SGCZ: variants seen among roughly 807,000 people sequenced by gnomAD.
The protein encoded by SGCZ is zeta-sarcoglycan.
SGCZ carries 40 observed loss-of-function variants against 41.3 expected under a neutral mutation model. The ratio of observed to expected loss-of-function variants is 0.97; its 90% CI spans 0.75 to 1.26. SGCZ has a LOEUF of 1.26. SGCZ is among the 50% of genes most tolerant of loss of function. The probability of loss-of-function intolerance (pLI) is 0.00; values close to 1 mark genes in which losing one functional copy is unlikely to be tolerated. For missense variants in SGCZ, 552 were observed against 369.8 expected, an observed-to-expected ratio of 1.49 and a Z score of -4.04; for synonymous variants, 206 against 137.5, an observed-to-expected ratio of 1.50 and a Z score of -3.49.
chr8:14,877,127 C>G (rs563501196), intron 1 of SGCZ, among the ~76,000 whole-genome samples: 1 of 152,214 alleles, frequency 6.6e-6, no homozygotes, highest in Admixed American at 6.5e-5. Flanking sequence ...GTGCGCACTA[C>G]CATGCCCAGC....
intron 1 of SGCZ, among the ~76,000 whole-genome samples, chr8:14,987,784 C>T (rs539768029): frequency 1.4e-4 from 21 of 152,042 alleles, no homozygotes; most frequent in South Asian, 4.1e-4. Context: ...TTAACCCAAA[C>T]GGAGGAAAAG....
At chr8:14,494,445 C>T (rs185269232) in intron 2 of SGCZ, among the ~76,000 whole-genome samples, 15 of 152,118 alleles carry the variant, frequency 9.9e-5, no homozygotes, top group Admixed American at 6.6e-4. Flanking sequence ...TATTTCACTC[C>T]CTAATTTTAA....
At chr8:15,129,674 G>A (rs1563141120) in intron 1 of SGCZ, among the ~76,000 whole-genome samples, 2 of 136,674 alleles carry the variant, frequency 1.5e-5, no homozygotes, top group Non-Finnish European at 3.1e-5. Context: ...CAAGCCACAA[G>A]GTCCCGTTCG....
intron 5 of SGCZ, among the ~76,000 whole-genome samples, chr8:14,137,296 A>G (rs1803229261): frequency 1.3e-5 from 2 of 152,254 alleles, no homozygotes; most frequent in Admixed American, 6.5e-5. Flanking sequence ...AGCTCCTCGC[A>G]AGCAACGGAA....
chr8:14,125,828 C>T (rs941503863), intron 5 of SGCZ, among the ~76,000 whole-genome samples: 4 of 152,166 alleles, frequency 2.6e-5, no homozygotes, highest in South Asian at 2.1e-4. Context: ...CACACCTCTA[C>T]ATCCATCTGA....
At chr8:14,253,285 A>G (rs1466475666) in intron 3 of SGCZ, among the ~76,000 whole-genome samples, 1 of 149,112 alleles carries the variant, frequency 6.7e-6, no homozygotes, top group Non-Finnish European at 1.5e-5. Flanking sequence ...TCAGTCAGGA[A>G]GAAGTGTTTG....
intron 1 of SGCZ, among the ~76,000 whole-genome samples, chr8:14,557,017 C>A (rs1194183882): frequency 6.6e-6 from 1 of 151,970 alleles, no homozygotes; most frequent in Non-Finnish European, 1.5e-5. Flanking sequence ...CCACTATTTT[C>A]CATAATGTTT....
chr8:15,009,436 G>A (rs919959664), intron 1 of SGCZ, among the ~76,000 whole-genome samples: 8 of 135,932 alleles, frequency 5.9e-5, no homozygotes, highest in African/African-American at 1.9e-4. Flanking sequence ...ATTTGGGTGG[G>A]GACAGAAATC....
chr8:14,129,479 G>A (rs1802969035), intron 5 of SGCZ, among the ~76,000 whole-genome samples: 1 of 150,814 alleles, frequency 6.6e-6, no homozygotes, highest in African/African-American at 2.4e-5. Flanking sequence ...TTAACCAATG[G>A]GTAATGAAAG....
intron 1 of SGCZ, among the ~76,000 whole-genome samples, chr8:15,059,412 T>G (rs1336503291): frequency 6.6e-6 from 1 of 152,176 alleles, no homozygotes; most frequent in Non-Finnish European, 1.5e-5. Flanking sequence ...GTGAATAAAT[T>G]TTCTAAGAAT....
intron 2 of SGCZ, among the ~76,000 whole-genome samples, chr8:14,326,715 T>C (rs949404852): frequency 6.6e-6 from 1 of 152,172 alleles, no homozygotes; most frequent in African/African-American, 2.4e-5. Context: ...AATACATACA[T>C]TTCTGTTAGG....
chr8:14,505,851 A>C (rs1802289334), intron 2 of SGCZ, among the ~76,000 whole-genome samples: 1 of 152,140 alleles, frequency 6.6e-6, no homozygotes, highest in East Asian at 1.9e-4. Flanking sequence ...TATACTTAAT[A>C]AATCAGAAAC....
chr8:14,837,754 G>A (rs192443360), intron 1 of SGCZ, among the ~76,000 whole-genome samples: 9 of 151,822 alleles, frequency 5.9e-5, no homozygotes, highest in East Asian at 1.9e-4. Flanking sequence ...GTGAAGAATC[G>A]TACTTAGATT....
intron 1 of SGCZ, among the ~76,000 whole-genome samples, chr8:14,889,995 G>A (rs1585352680): frequency 6.6e-6 from 1 of 152,168 alleles, no homozygotes; most frequent in East Asian, 1.9e-4. Flanking sequence ...AAGGCAGGCA[G>A]ATCACAAGGT....
intron 1 of SGCZ, among the ~76,000 whole-genome samples, chr8:15,129,683 C>T (rs1807827519): frequency 8.8e-6 from 1 of 113,922 alleles, no homozygotes; most frequent in Admixed American, 1.2e-4. Flanking sequence ...AGGTCCCGTT[C>T]GGGTAAAGTC....
chr8:14,856,938 T>C (rs993530109), intron 1 of SGCZ, among the ~76,000 whole-genome samples: 1 of 152,172 alleles, frequency 6.6e-6, no homozygotes, highest in Non-Finnish European at 1.5e-5. Context: ...CTAGGTCATA[T>C]GGTTTGGATC....
At chr8:14,356,748 A>G (rs1400994031) in intron 2 of SGCZ, among the ~76,000 whole-genome samples, 1 of 152,112 alleles carries the variant, frequency 6.6e-6, no homozygotes, top group African/African-American at 2.4e-5. Context: ...TTGTCTTTTC[A>G]ATATCACTAA....
chr8:15,039,307 T>G (rs1310224344), intron 1 of SGCZ, among the ~76,000 whole-genome samples: 1 of 152,094 alleles, frequency 6.6e-6, no homozygotes, highest in African/African-American at 2.4e-5. Context: ...AAGAAGGAAA[T>G]CTTGTCTTTT....
chr8:14,815,303 C>T (rs999455462), intron 1 of SGCZ, among the ~76,000 whole-genome samples: 17 of 149,058 alleles, frequency 1.1e-4, no homozygotes, highest in African/African-American at 4.2e-4. Context: ...AAATTTGTTT[C>T]ATAACCCTTA....
Sources: gnomAD v4.1 joint callset for allele counts (sites outside exome capture counted in the v4.1 genomes callset) on GRCh38, gnomAD v4.1.1 for gene constraint, MANE v1.5 for transcripts, NCBI Gene and HGNC (gene_info 2026-07-23, HGNC 2026-07-21) for gene names.